AMBRA1: variants seen among roughly 807,000 people sequenced by gnomAD.
The protein encoded by AMBRA1 is activating molecule in BECN1-regulated autophagy protein 1.
AMBRA1 carries 47 observed loss-of-function variants against 125.4 expected under a neutral mutation model. That is an observed-to-expected ratio of 0.37 (90% CI 0.30 to 0.48). AMBRA1 has a LOEUF of 0.48. Among genes scored for constraint, AMBRA1 ranks in the 20% least tolerant of loss-of-function variants. The pLI, the probability that AMBRA1 is intolerant of heterozygous loss-of-function variation, is 0.99. For synonymous variants in AMBRA1, 626 were observed against 655.5 expected (o/e 0.95, Z 0.69); for missense variants, 1,331 against 1,693.4 (o/e 0.79, Z 3.76).
rs766577766 is a variant in AMBRA1 at position 46,432,043 on chromosome 11, AT to A, written c.2976+1430del. Among the ~76,000 whole-genome samples the A allele has an allele frequency of 7.4e-4, 112 of 151,302 alleles. 1 individual carries two copies. In the East Asian group the frequency reaches 0.017, roughly 23 times the overall value. On this transcript the variant is annotated intron_variant, in intron 14 of 17. Coordinates refer to ENST00000683756, the MANE Select transcript of AMBRA1 (RefSeq NM_001387011.1). ...GAGGATGCTTTATTTTTATTTATTTATTTTTTTTTGAGATTCTCTTTCATTC... is the reference window on the plus strand; with the variant it reads ...GAGGATGCTTTATTTTTATTTATTTATTTTTTTTGAGATTCTCTTTCATTC...
At chr11:46,519,553 G>A (rs528904567) in intron 7 of AMBRA1, among the ~76,000 whole-genome samples, 1 of 152,258 alleles carries the variant, frequency 6.6e-6, no homozygotes, top group South Asian at 2.1e-4. Context: ...GAACTCTCTG[G>A]CCTCTACTGT....
intron 12 of AMBRA1, among the ~76,000 whole-genome samples, chr11:46,440,001 T>G (rs542501855): frequency 1.3e-5 from 2 of 152,094 alleles, no homozygotes; most frequent in African/African-American, 4.8e-5. Context: ...TCAGGCACTC[T>G]CATGAACTCC....
At chr11:46,551,030 G>A (rs1391689749) in intron 1 of AMBRA1, among the ~76,000 whole-genome samples, 1 of 148,234 alleles carries the variant, frequency 6.7e-6, no homozygotes, top group Non-Finnish European at 1.5e-5. Context: ...CCGAGAGGCA[G>A]AGCTTGCAGT....
chr11:46,508,560 G>A (rs1034045713), intron 8 of AMBRA1, among the ~76,000 whole-genome samples, 190 bp from the exon 9 acceptor site: 4 of 152,222 alleles, frequency 2.6e-5, no homozygotes, highest in Admixed American at 1.3e-4. Flanking sequence ...ACTATCACCA[G>A]TGTTTCTGTT....
intron 11 of AMBRA1, among the ~76,000 whole-genome samples, chr11:46,444,263 T>C (rs1948168065): frequency 6.6e-6 from 1 of 152,268 alleles, no homozygotes; most frequent in Non-Finnish European, 1.5e-5. Context: ...CCATCTTTTA[T>C]AATACCTACC....
chr11:46,587,174 G>A (rs113950773), intron 1 of AMBRA1, among the ~76,000 whole-genome samples: 1,781 of 152,224 alleles, frequency 0.012, 42 homozygotes, highest in African/African-American at 0.041. Flanking sequence ...AAAGTCAGGA[G>A]TTCGAGATCT....
chr11:46,585,653 A>G (rs1257802538), intron 1 of AMBRA1, among the ~76,000 whole-genome samples: 2 of 88,156 alleles, frequency 2.3e-5, no homozygotes, highest in African/African-American at 9.1e-5. Flanking sequence ...GTGACAGAGC[A>G]AGACTCCATC....
intron 1 of AMBRA1, among the ~76,000 whole-genome samples, chr11:46,588,557 C>T (rs2044481545): frequency 6.6e-6 from 1 of 151,678 alleles, no homozygotes; most frequent in South Asian, 2.1e-4. Context: ...AGGTGGATCA[C>T]CTGAAGTCAG....
In AMBRA1 at chr11:46,594,008, G is replaced by A. The variant is rs1021572189; in HGVS notation, c.-301C>T. 24 of 398,550 alleles carry A rather than the reference G, an allele frequency of 6.0e-5. No individual in the cohort carries two copies. The highest frequency in any genetic ancestry group is 8.0e-5 in the Non-Finnish European group (18 of 226,092). The allele number at this position is 398,550 out of a possible 1,614,324, so 24.7% of individuals were successfully genotyped here. ...GACCCGGCGCCGCCGCCGCTCAGGA[G>A]ACATCAAGCAAGAAGACGGCGCAAA... On this transcript the variant is annotated 5_prime_UTR_variant, in exon 1 of 18. Coordinates refer to ENST00000683756, the MANE Select transcript of AMBRA1 (RefSeq NM_001387011.1).
At chr11:46,405,960 A>C (rs954070630) in intron 17 of AMBRA1, among the ~76,000 whole-genome samples, 1 of 151,542 alleles carries the variant, frequency 6.6e-6, no homozygotes, top group Non-Finnish European at 1.5e-5. Context: ...CTTGAACTCC[A>C]GGACTCAACA....
chr11:46,560,587 A>G (rs2043298740), intron 1 of AMBRA1, among the ~76,000 whole-genome samples: 1 of 152,226 alleles, frequency 6.6e-6, no homozygotes, highest in African/African-American at 2.4e-5. Context: ...GATGAAGAAA[A>G]AAGAAACGGA....
chr11:46,524,214 A>G (rs1951874901), intron 7 of AMBRA1, among the ~76,000 whole-genome samples: 1 of 152,224 alleles, frequency 6.6e-6, no homozygotes, highest in Non-Finnish European at 1.5e-5. Context: ...ACAACAAATC[A>G]TGAAATAATT....
At chr11:46,565,974 G>A (rs890934522) in intron 1 of AMBRA1, among the ~76,000 whole-genome samples, 5 of 151,964 alleles carry the variant, frequency 3.3e-5, no homozygotes, top group African/African-American at 4.8e-5. Context: ...AGATTGCCCA[G>A]GCTGGTCTCA....
chr11:46,543,238 C>T lies in AMBRA1; in HGVS notation c.779G>A (p.Ser260Asn), dbSNP rs1952841912. The change falls in exon 7 of 18, where the codon AGC becomes AAC. Residue 260 changes from serine to asparagine, a missense_variant. By Grantham distance (46) the Ser-to-Asn change is conservative. Around this residue, in one of 4 missense-constraint regions of AMBRA1, gnomAD observed 689 missense variants for 776.5 expected, o/e 0.89. Coordinates refer to ENST00000683756, the MANE Select transcript of AMBRA1 (RefSeq NM_001387011.1). ...GGGGGTAGCAGAATCTTGCACTGTGCTTTGCTCTCCCACCTGGATGCCAGA... is the reference window on the plus strand; with the variant it reads ...GGGGGTAGCAGAATCTTGCACTGTGTTTTGCTCTCCCACCTGGATGCCAGA... ...RSSGIQVGEQ[S>N]TVQDSATPSP... The T allele has an allele frequency of 6.2e-7, 1 of 1,613,264 alleles. No individual in the cohort carries two copies. The highest frequency in any genetic ancestry group is 1.1e-5 in the South Asian group (1 of 90,988).
intron 11 of AMBRA1, among the ~76,000 whole-genome samples, chr11:46,483,020 GAAAAAA>G (rs374623134): frequency 7.5e-6 from 1 of 133,926 alleles, no homozygotes; most frequent in Non-Finnish European, 1.6e-5. Context: ...AAAAAAAAAA[GAAAAAA>G]AAAAAAGAGT....
At chr11:46,562,265 C>A (rs913922435) in intron 1 of AMBRA1, among the ~76,000 whole-genome samples, 2 of 152,104 alleles carry the variant, frequency 1.3e-5, no homozygotes, top group Non-Finnish European at 2.9e-5. Context: ...GTACTAAGGT[C>A]CCTAACAGGT....
At chr11:46,494,900 G>A (rs1296171423) in intron 9 of AMBRA1, 1 of 152,196 alleles carries the variant, frequency 6.6e-6, no homozygotes, top group African/African-American at 2.4e-5. Flanking sequence ...GTATCTGCTA[G>A]GTTCCAATAC....
At chr11:46,520,026 C>T (rs1318439271) in intron 7 of AMBRA1, among the ~76,000 whole-genome samples, 1 of 151,872 alleles carries the variant, frequency 6.6e-6, no homozygotes, top group Non-Finnish European at 1.5e-5. Flanking sequence ...GTAATCCCAG[C>T]TACTCAGGTG....
At chr11:46,563,034 G>A (rs796572726) in intron 1 of AMBRA1, among the ~76,000 whole-genome samples, 6 of 152,072 alleles carry the variant, frequency 3.9e-5, no homozygotes, top group African/African-American at 1.4e-4. Context: ...CTGACCTCAG[G>A]TGATCTGCCT....
Sources: gnomAD v4.1 joint callset for allele counts (sites outside exome capture counted in the v4.1 genomes callset) on GRCh38, gnomAD v4.1.1 for gene constraint, gnomAD v4.1.1 regional missense constraint, MANE v1.5 for transcripts, NCBI Gene and HGNC (gene_info 2026-07-23, HGNC 2026-07-21) for gene names.